The following CPSF6 variants were observed in gnomAD, a reference collection of about 807,000 sequenced individuals.
CPSF6 encodes the protein cleavage and polyadenylation specific factor 6.
CPSF6 carries 10 observed loss-of-function variants against 56.7 expected under a neutral mutation model. That is an observed-to-expected ratio of 0.18 (90% confidence interval 0.11 to 0.30). CPSF6 has a LOEUF of 0.30. Among genes scored for constraint, CPSF6 ranks in the 10% least tolerant of loss-of-function variants. The probability of loss-of-function intolerance (pLI) is 1.00; values close to 1 mark genes in which losing one functional copy is unlikely to be tolerated. For synonymous variants in CPSF6, 248 were observed against 244.8 expected (o/e 1.01, Z -0.12); for missense variants, 419 against 722.9 (o/e 0.58, Z 4.82).
Position 69,262,230 on chromosome 12 carries a change from C to T in CPSF6, c.1470-143C>T, listed in dbSNP as rs544885811. 1.1e-5 allele frequency: 10 copies of T among 949,928 alleles called. No homozygotes were observed. The Admixed American group carries it at 1.3e-4, about 12-fold the overall frequency. The allele number at this position is 949,928 out of a possible 1,614,324, so 58.8% of individuals were successfully genotyped here. A position where few individuals can be genotyped will look rare whatever the true frequency, so the allele number is the denominator to read the frequency against. On this transcript the variant is annotated intron_variant, in intron 8 of 9. Transcript: ENST00000435070. ...ATGCTTACCTGGTGAGTTGGTAAGTCGTTATTGGCAGCTCAGGATAGTAAG... is the reference window on the plus strand; with the variant it reads ...ATGCTTACCTGGTGAGTTGGTAAGTTGTTATTGGCAGCTCAGGATAGTAAG...
In CPSF6 at chr12:69,259,559, G is replaced by A. The variant is rs1052126297; in HGVS notation, c.1315+16G>A. Reference sequence around the variant, plus strand: ...GCCAGTGCTGGTTTGTGTATTTCTTGTATTAATATTTCTTATTTATGTTAT... The same window carrying A: ...GCCAGTGCTGGTTTGTGTATTTCTTATATTAATATTTCTTATTTATGTTAT... On this transcript the variant is annotated intron_variant, in intron 7 of 9. Transcript: ENST00000435070. The A allele has an allele frequency of 6.3e-7, 1 of 1,587,890 alleles. No individual in the cohort carries two copies. The highest frequency in any genetic ancestry group is 8.6e-7 in the Non-Finnish European group (1 of 1,168,986).
Position 69,258,320 on chromosome 12 carries a change from G to T in CPSF6, c.695-270G>T, listed in dbSNP as rs1018638165. On this transcript the variant is annotated intron_variant, in intron 5 of 9. Transcript: ENST00000435070. This position sits in a 1 kb window ranked among gnomAD's most constrained non-coding sequence, Gnocchi z 4.2. ...TTCACTGTAAGAAGTGTGTGTACACGGAAAGATGGAAAATATCTCTAGGCA... is the reference window on the plus strand; with the variant it reads ...TTCACTGTAAGAAGTGTGTGTACACTGAAAGATGGAAAATATCTCTAGGCA... The T allele has an allele frequency of 1.7e-6, 1 of 583,662 alleles. No individual in the cohort carries two copies. Among genetic ancestry groups the T allele is most frequent in the South Asian group, 2.5e-5 (1 of 39,772 alleles). 36.2% of individuals were successfully genotyped at this position (583,662 alleles called of 1,614,324 possible).
At chr12:69,265,527 A>G (rs892098373) in intron 9 of CPSF6, among the ~76,000 whole-genome samples, 2 of 151,750 alleles carry the variant, frequency 1.3e-5, no homozygotes, top group Non-Finnish European at 1.5e-5. Context: ...CAATTCTCAA[A>G]TCATCCATGA....
rs1871478930 is a variant in CPSF6, at chr12:69,239,570, C to T, written c.-77C>T. On this transcript the variant is annotated 5_prime_UTR_variant, in exon 1 of 10. Coordinates refer to ENST00000435070, the MANE Select transcript of CPSF6 (RefSeq NM_007007.3). ...TGACGCAAGCGCCCCCCCACCGCCGCTAGATCCGCTGCTGCTGCCGCGGCG... is the reference window on the plus strand; with the variant it reads ...TGACGCAAGCGCCCCCCCACCGCCGTTAGATCCGCTGCTGCTGCCGCGGCG... 6.7e-7 allele frequency: 1 copy of T among 1,496,188 alleles called. No homozygotes were observed. Among genetic ancestry groups the T allele is most frequent in the Non-Finnish European group, 8.9e-7 (1 of 1,120,952 alleles). 92.7% of individuals were successfully genotyped at this position (1,496,188 alleles called of 1,614,324 possible).
At chr12:69,242,367 T>C (rs1328650014) in intron 1 of CPSF6, among the ~76,000 whole-genome samples, 2 of 152,246 alleles carry the variant, frequency 1.3e-5, no homozygotes, top group South Asian at 2.1e-4. Context: ...TTTTGTATTT[T>C]GGTAAGGCAC....
intron 1 of CPSF6, among the ~76,000 whole-genome samples, chr12:69,244,945 C>CT (rs1871814703): frequency 6.6e-6 from 1 of 151,920 alleles, no homozygotes; most frequent in Non-Finnish European, 1.5e-5. Flanking sequence ...AGAGTACACT[C>CT]TAACATAATG....
At chr12:69,251,951 T>G in intron 2 of CPSF6, 1 of 444,070 alleles carries the variant, frequency 2.3e-6, no homozygotes, top group Non-Finnish European at 4.5e-6. Context: ...ATAGAATGTT[T>G]GTATTTCTAC....
chr12:69,245,771 A>C (rs1359620287), intron 1 of CPSF6, among the ~76,000 whole-genome samples: 1 of 152,158 alleles, frequency 6.6e-6, no homozygotes, highest in East Asian at 1.9e-4. Context: ...CAAATTTAGT[A>C]ATCTGACCAC....
At chr12:69,265,408 G>C (rs1233842965) in intron 9 of CPSF6, among the ~76,000 whole-genome samples, 2 of 152,076 alleles carry the variant, frequency 1.3e-5, no homozygotes, top group Non-Finnish European at 2.9e-5. Flanking sequence ...TCCCTACTCA[G>C]CAAATTTGTG....
In CPSF6 at chr12:69,256,703, C is replaced by G; in HGVS notation, c.381C>G (p.Ala127=). Residue 127 remains alanine (A), a synonymous_variant, in exon 4 of 10, where the codon GCC becomes GCG. Coordinates refer to ENST00000435070, the MANE Select transcript of CPSF6 (RefSeq NM_007007.3). The part of the protein sequence containing the change: ...NRANGQSKGF[A]LVGVGSEASS... Reference sequence around the variant, plus strand: ...CCCCTTAAACACTTTTTAGGTTTGCCCTTGTTGGTGTTGGATCTGAAGCAT... The same window carrying G: ...CCCCTTAAACACTTTTTAGGTTTGCGCTTGTTGGTGTTGGATCTGAAGCAT... 1.2e-6 allele frequency: 2 copies of G among 1,609,450 alleles called. No homozygotes were observed. The highest frequency in any genetic ancestry group is 1.7e-6 in the Non-Finnish European group (2 of 1,178,356).
chr12:69,258,165 C>A lies in CPSF6; in HGVS notation c.694+260C>A. The A allele has an allele frequency of 7.8e-7, 1 of 1,285,912 alleles. No homozygotes were observed. Among genetic ancestry groups the A allele is most frequent in the Non-Finnish European group, 1.1e-6 (1 of 922,020 alleles). The allele number at this position is 1,285,912 out of a possible 1,614,324, so 79.7% of individuals were successfully genotyped here. On this transcript the variant is annotated intron_variant, in intron 5 of 9. Coordinates refer to ENST00000435070, the MANE Select transcript of CPSF6 (RefSeq NM_007007.3). This position sits in a 1 kb window ranked among gnomAD's most constrained non-coding sequence, Gnocchi z 4.2. ...TAAAAGGTCTTTATTTTTCTCCAAACTTGCTTGACTTATATATAGAATATT... is the reference window on the plus strand; with the variant it reads ...TAAAAGGTCTTTATTTTTCTCCAAAATTGCTTGACTTATATATAGAATATT...
At position 69,273,873 on chromosome 12, in the gene CPSF6, C is replaced by T. The variant is rs1464535773; in HGVS notation, c.*4365C>T. 15 of 151,894 alleles carry T rather than the reference C, an allele frequency of 9.9e-5. No homozygotes were observed. The highest frequency in any genetic ancestry group is 2.2e-4 in the Non-Finnish European group (15 of 67,856). The allele number at this position is 151,894 out of a possible 1,614,324, so 9.4% of individuals were successfully genotyped here. A position where few individuals can be genotyped will look rare whatever the true frequency, so the allele number is the denominator to read the frequency against. On this transcript the variant is annotated 3_prime_UTR_variant, in exon 10 of 10. Transcript: ENST00000435070. ...CATGGTATATTAGCAAAGTAGTTTACAGCCCTGTACAGCCTTACAAAGTTG... is the reference window on the plus strand; with the variant it reads ...CATGGTATATTAGCAAAGTAGTTTATAGCCCTGTACAGCCTTACAAAGTTG...
chr12:69,247,363 T>C (rs1565643220), intron 1 of CPSF6, among the ~76,000 whole-genome samples: 6 of 151,098 alleles, frequency 4.0e-5, no homozygotes, highest in African/African-American at 1.5e-4. Flanking sequence ...TGAAAAAAAT[T>C]AGTGAGTTTT....
At chr12:69,269,161 A>G (rs1873132646) in intron 9 of CPSF6, among the ~76,000 whole-genome samples, 1 of 151,874 alleles carries the variant, frequency 6.6e-6, no homozygotes, top group Non-Finnish European at 1.5e-5. Flanking sequence ...AAATCATCCA[A>G]GCATTTTCCA....
intron 6 of CPSF6, 31 bp from the exon 7 acceptor site, chr12:69,259,397 A>G (rs1236493001): frequency 1.9e-6 from 3 of 1,599,630 alleles, no homozygotes; most frequent in Non-Finnish European, 2.6e-6. Context: ...TCTGTTGAGT[A>G]TGAGTTAAGG....
At chr12:69,255,535 ATATT>A (rs553394476) in intron 3 of CPSF6, among the ~76,000 whole-genome samples, 3 of 151,950 alleles carry the variant, frequency 2.0e-5, no homozygotes, top group Non-Finnish European at 2.9e-5. Context: ...GTTTCTCCAC[ATATT>A]TATTTATTTA....
chr12:69,247,400 C>T (rs1226303213), intron 1 of CPSF6, among the ~76,000 whole-genome samples: 2 of 150,650 alleles, frequency 1.3e-5, no homozygotes, highest in Non-Finnish European at 3.0e-5. Flanking sequence ...ACCCTAAGAG[C>T]TGTTGTTTAT....
Position 69,257,822 on chromosome 12 carries a change from G to A in CPSF6, c.611G>A (p.Arg204Gln). 5.0e-6 allele frequency: 8 copies of A among 1,613,350 alleles called. No individual in the cohort carries two copies. The highest frequency in any genetic ancestry group is 2.2e-5 in the East Asian group (1 of 44,882). ...RAAFPQGGRG[R>Q]GRFPGAVPGG... Reference sequence around the variant, plus strand: ...GCATTTCCACAAGGTGGTAGAGGACGGGGCCGTTTTCCAGGGGCTGTTCCT... The same window carrying A: ...GCATTTCCACAAGGTGGTAGAGGACAGGGCCGTTTTCCAGGGGCTGTTCCT... The change falls in exon 5 of 10, where the codon CGG becomes CAG. Residue 204 changes from arginine (R) to glutamine (Q), a missense_variant. Around this residue, in one of 4 missense-constraint regions of CPSF6, gnomAD observed 211 missense variants for 296.0 expected, o/e 0.71. Coordinates refer to ENST00000435070, the MANE Select transcript of CPSF6 (RefSeq NM_007007.3).
At chr12:69,246,977 A>G (rs1294696260) in intron 1 of CPSF6, among the ~76,000 whole-genome samples, 6 of 152,140 alleles carry the variant, frequency 3.9e-5, no homozygotes, top group African/African-American at 1.4e-4. Context: ...GAATGATATT[A>G]CTGTAATTTT....
Sources: allele counts gnomAD v4.1 joint callset (sites outside exome capture counted in the v4.1 genomes callset), GRCh38; gene constraint gnomAD v4.1.1; regional missense constraint gnomAD v4.1.1; non-coding constraint Gnocchi (gnomAD v3.1); transcripts MANE v1.5; gene names NCBI Gene and HGNC (gene_info 2026-07-23, HGNC 2026-07-21).